The following ENTREP2 variants were observed in gnomAD, a reference collection of about 807,000 sequenced individuals.
The protein encoded by ENTREP2 is endosomal transmembrane epsin interactor 2, also known as protein ENTREP2.
the ENTREP2 span, among the ~76,000 whole-genome samples, chr15:29,343,033 G>GGGGT: frequency 5.4e-5 from 8 of 148,158 alleles, no homozygotes; most frequent in Non-Finnish European, 1.1e-4. Flanking sequence ...GGAATGGGGG[G>GGGGT]GGTGGTTCTT....
the ENTREP2 span, among the ~76,000 whole-genome samples, chr15:29,208,223 G>T: frequency 7.2e-6 from 1 of 138,136 alleles, no homozygotes; most frequent in Non-Finnish European, 1.5e-5. Flanking sequence ...GGCACTTAAT[G>T]CCAGGCAGAG....
chr15:29,159,873 C>T, the ENTREP2 span, among the ~76,000 whole-genome samples: 9,685 of 152,336 alleles, frequency 0.064, 514 homozygotes, highest in African/African-American at 0.14. Flanking sequence ...TGGCTTCACC[C>T]GGTGGATCCC....
chr15:29,299,550 C>G, the ENTREP2 span, among the ~76,000 whole-genome samples: 1 of 152,148 alleles, frequency 6.6e-6, no homozygotes, highest in Admixed American at 6.5e-5. Context: ...AGACATCCAC[C>G]TGGCTGGACA....
At chr15:29,312,720 C>T in the ENTREP2 span, among the ~76,000 whole-genome samples, 9 of 152,052 alleles carry the variant, frequency 5.9e-5, no homozygotes, top group South Asian at 2.1e-4. Flanking sequence ...ATAGGCTGGC[C>T]GTTCCCCTGC....
the ENTREP2 span, chr15:29,234,718 G>A: frequency 1.3e-6 from 2 of 1,515,558 alleles, no homozygotes; most frequent in South Asian, 1.1e-5. Context: ...TAGTTCCATT[G>A]TGGCAAGTAA....
chr15:29,511,779 A>G, the ENTREP2 span, among the ~76,000 whole-genome samples: 1 of 148,586 alleles, frequency 6.7e-6, no homozygotes, highest in East Asian at 2.0e-4. Flanking sequence ...CCCACAGCTT[A>G]GTACCTGCAT....
the ENTREP2 span, among the ~76,000 whole-genome samples, chr15:29,279,742 C>T: frequency 1.3e-3 from 192 of 152,138 alleles, no homozygotes; most frequent in Middle Eastern, 0.024. Context: ...TTAAGTCTAC[C>T]GATCCACATA....
At chr15:29,345,218 T>C in the ENTREP2 span, among the ~76,000 whole-genome samples, 5 of 152,166 alleles carry the variant, frequency 3.3e-5, no homozygotes, top group Admixed American at 1.3e-4. Context: ...CTTTGGATAG[T>C]TCTTGAAAGC....
At chr15:29,125,989 G>A in the ENTREP2 span, among the ~76,000 whole-genome samples, 1 of 152,194 alleles carries the variant, frequency 6.6e-6, no homozygotes, top group South Asian at 2.1e-4. Flanking sequence ...GGGCCCTGGA[G>A]CACGTGTGCA....
chr15:29,300,302 G>A, the ENTREP2 span, among the ~76,000 whole-genome samples: 2 of 744 alleles, frequency 2.7e-3, no homozygotes, highest in African/African-American at 0.011. Context: ...GTGGGTAGAT[G>A]GATGGATGGA....
At chr15:29,290,781 T>C in the ENTREP2 span, among the ~76,000 whole-genome samples, 1 of 152,228 alleles carries the variant, frequency 6.6e-6, no homozygotes, top group African/African-American at 2.4e-5. Flanking sequence ...GGCCGTGAAC[T>C]TCTATAGAAA....
chr15:29,444,173 A>C, the ENTREP2 span, among the ~76,000 whole-genome samples: 1,321 of 10,358 alleles, frequency 0.13, 120 homozygotes, highest in African/African-American at 0.28. Flanking sequence ...AGACAGACAA[A>C]GAAAGAAAGA....
chr15:29,233,124 G>A, the ENTREP2 span, among the ~76,000 whole-genome samples: 1 of 152,126 alleles, frequency 6.6e-6, no homozygotes, highest in African/African-American at 2.4e-5. Flanking sequence ...CTCTATTCAA[G>A]GCTTGGAGAT....
At chr15:29,193,170 T>C in the ENTREP2 span, among the ~76,000 whole-genome samples, 1 of 152,116 alleles carries the variant, frequency 6.6e-6, no homozygotes, top group Non-Finnish European at 1.5e-5. Flanking sequence ...TTATTTTAGG[T>C]GTCAACTTGA....
At chr15:29,159,337 C>T in the ENTREP2 span, among the ~76,000 whole-genome samples, 3 of 152,076 alleles carry the variant, frequency 2.0e-5, no homozygotes, top group African/African-American at 2.4e-5. Flanking sequence ...CAGACCTTCA[C>T]GGTGTTACAG....
chr15:29,650,313 C>T, the ENTREP2 span, among the ~76,000 whole-genome samples: 8 of 152,298 alleles, frequency 5.3e-5, no homozygotes, highest in East Asian at 1.4e-3. Flanking sequence ...AAAATCTAGG[C>T]CACACGCGGT....
the ENTREP2 span, among the ~76,000 whole-genome samples, chr15:29,336,894 C>CAGCGCCG: frequency 6.6e-6 from 1 of 152,112 alleles, no homozygotes; most frequent in Non-Finnish European, 1.5e-5. Flanking sequence ...CAGCCACCAG[C>CAGCGCCG]AGCGCCGAGG....
the ENTREP2 span, among the ~76,000 whole-genome samples, chr15:29,540,462 C>CT: frequency 1.3e-5 from 2 of 152,228 alleles, no homozygotes; most frequent in African/African-American, 4.8e-5. Flanking sequence ...CCTGACAACT[C>CT]TGTTTTCGCC....
chr15:29,478,829 G>A, the ENTREP2 span, among the ~76,000 whole-genome samples: 4 of 147,424 alleles, frequency 2.7e-5, no homozygotes, highest in Non-Finnish European at 3.0e-5. Flanking sequence ...CTCTTGAACC[G>A]GGGAGGCGGA....
Sources: gnomAD v4.1 joint callset for allele counts (sites outside exome capture counted in the v4.1 genomes callset) on GRCh38, gnomAD v4.1.1 for gene constraint, MANE v1.5 for transcripts, NCBI Gene and HGNC (gene_info 2026-07-23, HGNC 2026-07-21) for gene names.